The following TRIM63 variants were observed in gnomAD, a reference collection of about 807,000 sequenced individuals.
TRIM63 encodes the protein E3 ubiquitin-protein ligase TRIM63.
A neutral mutation model predicts 46.0 loss-of-function variants in TRIM63; 48 were observed. The ratio of observed to expected loss-of-function variants is 1.04; its 90% CI spans 0.83 to 1.33. The LOEUF (loss-of-function observed/expected upper bound fraction) is 1.33. TRIM63 is among the 40% of genes most tolerant of loss of function. The probability of loss-of-function intolerance (pLI) is 0.00; values close to 1 mark genes in which losing one functional copy is unlikely to be tolerated. For missense variants in TRIM63, 455 were observed against 441.2 expected, an observed-to-expected ratio of 1.03 and a Z score of -0.28; for synonymous variants, 175 against 162.8, an observed-to-expected ratio of 1.08 and a Z score of -0.57.
rs949451928 is a variant in TRIM63 at position 26,066,203 on chromosome 1, G to C, written c.332+65C>G. On this transcript the variant is annotated intron_variant, in intron 2 of 8. Coordinates refer to ENST00000374272, the MANE Select transcript of TRIM63 (RefSeq NM_032588.4). ...AGCAGATGAAGGAGGGGGAAGGAGC[G>C]TGGGGGATCTAGGCACAGCATGGCT... is the stretch of plus-strand genomic sequence containing the variant. 6.4e-6 allele frequency: 10 copies of C among 1,566,248 alleles called. No homozygotes were observed. The South Asian group carries it at 1.0e-4, about 16-fold the overall frequency.
At position 26,061,214 on chromosome 1, in the gene TRIM63, G is replaced by C. The variant is rs1407729252; in HGVS notation, c.453C>G (p.His151Gln). 6.2e-7 allele frequency: 1 copy of C among 1,614,224 alleles called. No homozygotes were observed. ...TCSMCKVFGI[H>Q]KACEVAPLQS... ...GCAATGGGGCCACCTCGCAGGCCTT[G>C]TGGATCCCAAACACCTTGCACATGG... The change falls in exon 3 of 9, where the codon CAC (histidine) becomes CAG (glutamine). Residue 151 changes from histidine to glutamine, a missense_variant. Transcript: ENST00000374272.
chr1:26,064,071 G>A (rs935216359), intron 2 of TRIM63, among the ~76,000 whole-genome samples: 3 of 152,152 alleles, frequency 2.0e-5, no homozygotes, highest in Non-Finnish European at 2.9e-5. Flanking sequence ...CAAGGCGGGC[G>A]CATTACCTGA....
intron 3 of TRIM63, 132 bp downstream of exon 3, chr1:26,061,034 G>T: frequency 9.6e-7 from 1 of 1,043,716 alleles, no homozygotes; most frequent in Non-Finnish European, 1.4e-6. Context: ...CCTGTGGCCT[G>T]GGAAGTCCCT....
intron 3 of TRIM63, among the ~76,000 whole-genome samples, chr1:26,060,861 G>A (rs1280679221): frequency 6.6e-6 from 1 of 152,190 alleles, no homozygotes; most frequent in Non-Finnish European, 1.5e-5. Flanking sequence ...AGAGGCACAG[G>A]AAGAGGTGTC....
chr1:26,062,270 CA>C (rs61219158), intron 2 of TRIM63, among the ~76,000 whole-genome samples: 4,556 of 94,258 alleles, frequency 0.048, 178 homozygotes, highest in East Asian at 0.17. Context: ...AACTCCGTCT[CA>C]AAAAAAAAAA....
intron 7 of TRIM63, among the ~76,000 whole-genome samples, chr1:26,056,390 A>C (rs537359069): frequency 1.3e-5 from 2 of 152,246 alleles, no homozygotes; most frequent in East Asian, 3.9e-4. Flanking sequence ...GCATTAAGAA[A>C]CTGAAGCTAA....
rs1471997851 is a variant in TRIM63 at position 26,053,931 on chromosome 1, T to G, written c.1013A>C (p.Asp338Ala). The G allele has an allele frequency of 1.3e-5, 21 of 1,593,910 alleles. No homozygotes were observed. Among genetic ancestry groups the G allele is most frequent in the Non-Finnish European group, 1.8e-5 (21 of 1,174,468 alleles). The change falls in exon 8 of 9, where the codon GAT becomes GCT. Residue 338 changes from aspartate (D) to alanine (A), a missense_variant. Coordinates refer to ENST00000374272, the MANE Select transcript of TRIM63 (RefSeq NM_032588.4). ...TTCTGTGGACTCTTCCTCTTCCTGA[T>G]CTTCTTCTTCAATGAATTCTTCCTC... ...EEEEEFIEEE[D>A]QEEEESTEGK...
chr1:26,057,527 G>A, intron 6 of TRIM63, 101 bp downstream of exon 6: 1 of 1,452,568 alleles, frequency 6.9e-7, no homozygotes, highest in Non-Finnish European at 9.3e-7. Flanking sequence ...AGCCTAGAGT[G>A]AGACCCTCCC....
chr1:26,052,637 T>C (rs1386248291), intron 8 of TRIM63, among the ~76,000 whole-genome samples: 3 of 152,000 alleles, frequency 2.0e-5, no homozygotes, highest in Admixed American at 6.6e-5. Context: ...TGGCTAATTT[T>C]TGTATTTTTA....
At chr1:26,065,106 C>T (rs1385599356) in intron 2 of TRIM63, among the ~76,000 whole-genome samples, 1 of 150,164 alleles carries the variant, frequency 6.7e-6, no homozygotes, top group Admixed American at 6.6e-5. Flanking sequence ...TCACTACAAC[C>T]TCCGCCTCCC....
At chr1:26,060,464 T>A in intron 3 of TRIM63, 103 bp from the exon 4 acceptor site, 1 of 830,164 alleles carries the variant, frequency 1.2e-6, no homozygotes, top group Non-Finnish European at 2.0e-6. Context: ...CCCTCTCTGC[T>A]AGAAAGAGCC....
chr1:26,061,816 G>A (rs1470844062), intron 2 of TRIM63, among the ~76,000 whole-genome samples: 1 of 152,204 alleles, frequency 6.6e-6, no homozygotes, highest in Non-Finnish European at 1.5e-5. Context: ...GCTCTGAGCT[G>A]AGAAATTTAT....
At chr1:26,062,282 A>G (rs201779809) in intron 2 of TRIM63, among the ~76,000 whole-genome samples, 27,307 of 150,292 alleles carry the variant, frequency 0.18, 2,793 homozygotes, top group African/African-American at 0.26. Context: ...AAAAAAAAAA[A>G]AAAGAAAGAA....
chr1:26,061,438 G>T, intron 2 of TRIM63, 104 bp from the exon 3 acceptor site: 1 of 1,244,856 alleles, frequency 8.0e-7, no homozygotes, highest in Non-Finnish European at 1.1e-6. Context: ...TGAGGCAGGA[G>T]GATTGCTCAG....
chr1:26,052,534 G>C (rs185132900), intron 8 of TRIM63, among the ~76,000 whole-genome samples: 3 of 152,020 alleles, frequency 2.0e-5, no homozygotes, highest in African/African-American at 4.8e-5. Context: ...GCGTGATCTC[G>C]GCTCACTGCA....
Position 26,051,699 on chromosome 1 carries a change from G to A in TRIM63, c.*174C>T, listed in dbSNP as rs1360191120. 12 of 430,322 alleles carry A rather than the reference G, an allele frequency of 2.8e-5. No individual in the cohort carries two copies. The highest frequency in any genetic ancestry group is 6.2e-4 in the Middle Eastern group (1 of 1,618). 26.7% of individuals were successfully genotyped at this position (430,322 alleles called of 1,614,324 possible). A position where few individuals can be genotyped will look rare whatever the true frequency, so the allele number is the denominator to read the frequency against. On this transcript the variant is annotated 3_prime_UTR_variant, in exon 9 of 9. Coordinates refer to ENST00000374272, the MANE Select transcript of TRIM63 (RefSeq NM_032588.4). ...TGGTTCAGTGTCTGCTGGACGCAGC[G>A]GTGAGGGTCCTACCCTAGTCCCTGC...
In TRIM63 at chr1:26,067,319, C is replaced by T; in HGVS notation, c.159+17G>A. ...AGCCACCTGGGGACCCCAAATGAAG[C>T]TGCACCCGGCACTTACCTGGAAGAT... On this transcript the variant is annotated intron_variant, in intron 1 of 8. Transcript: ENST00000374272. 6.2e-7 allele frequency: 1 copy of T among 1,612,654 alleles called. No homozygotes were observed. Among genetic ancestry groups the T allele is most frequent in the East Asian group, 2.2e-5 (1 of 44,864 alleles).
intron 2 of TRIM63, among the ~76,000 whole-genome samples, chr1:26,063,511 G>A (rs2050646407): frequency 6.6e-6 from 1 of 152,142 alleles, no homozygotes; most frequent in Non-Finnish European, 1.5e-5. Flanking sequence ...GTCTGCCATT[G>A]CCACCTGCCT....
chr1:26,060,731 G>A (rs918055767), intron 3 of TRIM63, among the ~76,000 whole-genome samples: 5 of 152,198 alleles, frequency 3.3e-5, no homozygotes, highest in Admixed American at 1.3e-4. Context: ...GTATGGAAAG[G>A]GGGTGGCTAC....
Sources: gnomAD v4.1 joint callset for allele counts (sites outside exome capture counted in the v4.1 genomes callset) on GRCh38, gnomAD v4.1.1 for gene constraint, MANE v1.5 for transcripts, NCBI Gene and HGNC (gene_info 2026-07-23, HGNC 2026-07-21) for gene names.